PSMD1: variants seen among roughly 807,000 people sequenced by gnomAD.
PSMD1 encodes the protein 26S proteasome non-ATPase regulatory subunit 1.
In PSMD1, 18 loss-of-function variants were observed where a neutral mutation model predicts 119.0. The observed-to-expected ratio is 0.15, with a 90% confidence interval of 0.10 to 0.22. PSMD1 has a LOEUF of 0.22. Among genes scored for constraint, PSMD1 ranks in the 10% least tolerant of loss-of-function variants. The pLI is 1.00. For missense variants in PSMD1, 702 were observed against 1,158.5 expected (o/e 0.61, Z 5.72); for synonymous variants, 374 against 396.6 (o/e 0.94, Z 0.68).
intron 12 of PSMD1, among the ~76,000 whole-genome samples, chr2:231,081,144 TA>T (rs368987456): frequency 0.034 from 2,488 of 74,036 alleles, 37 homozygotes; most frequent in African/African-American, 0.093. Context: ...AAACTCTGTC[TA>T]AAAAAAAAAA....
rs553603692 is a variant in PSMD1, at chr2:231,065,607, T to C, written c.305-1299T>C. ...GGCCACCGCGCCCGGCCAGGGTGAC[T>C]GTTTTATCTTCCTTATGAAGGTGGA... On this transcript the variant is annotated intron_variant, in intron 4 of 24. Transcript: ENST00000308696. 6.6e-5 allele frequency among the ~76,000 whole-genome samples: 10 copies of C among 152,314 alleles called. No individual in the cohort carries two copies. The South Asian group carries it at 1.7e-3, about 25-fold the overall frequency.
intron 4 of PSMD1, among the ~76,000 whole-genome samples, chr2:231,066,697 A>G (rs1693916608): frequency 6.6e-6 from 1 of 152,168 alleles, no homozygotes; most frequent in African/African-American, 2.4e-5. Context: ...TGTTTTGAAT[A>G]ATGTCAACTG....
rs552649397 is a variant in PSMD1 at position 231,102,607 on chromosome 2, G to T, written c.1883+15426G>T. ...AAGAGAAAACACTCGTCTTCACTATGAAGTGCAAGCGGATCATCAGAAAGG... is the reference window on the plus strand; with the variant it reads ...AAGAGAAAACACTCGTCTTCACTATTAAGTGCAAGCGGATCATCAGAAAGG... On this transcript the variant is annotated intron_variant, in intron 16 of 24. Transcript: ENST00000308696. Among the ~76,000 whole-genome samples, 14 of 152,232 alleles carry T rather than the reference G, an allele frequency of 9.2e-5. No individual in the cohort carries two copies. In the South Asian group the frequency reaches 2.3e-3, roughly 25 times the overall value.
intron 16 of PSMD1, chr2:231,113,670 C>G (rs565664129): frequency 4.2e-4 from 626 of 1,480,286 alleles, no homozygotes; most frequent in Middle Eastern, 6.9e-4. Flanking sequence ...TGGTATTCTC[C>G]TAGCCAAGTG....
At chr2:231,151,860 T>A (rs924801742) in intron 18 of PSMD1, among the ~76,000 whole-genome samples, 2 of 142,470 alleles carry the variant, frequency 1.4e-5, no homozygotes, top group Non-Finnish European at 3.0e-5. Flanking sequence ...TCGCCCAGGC[T>A]GGAGTGCAGT....
rs144272881 is a variant in PSMD1, at chr2:231,101,569, T to C, written c.1883+14388T>C. On this transcript the variant is annotated intron_variant, in intron 16 of 24. Transcript: ENST00000308696. ...GATTGACTACACTTTTGAAAGAAAT[T>C]CTGTTGTGGGTAGAATAGCATCAAA... Among the ~76,000 whole-genome samples, 134 of 152,298 alleles carry C rather than the reference T, an allele frequency of 8.8e-4. 1 individual carries two copies. Among genetic ancestry groups the C allele is most frequent in the African/African-American group, 3.0e-3 (124 of 41,562 alleles).
At position 231,170,694 on chromosome 2, in the gene PSMD1, T is replaced by C. The variant is rs753660198; in HGVS notation, c.2844T>C (p.Phe948=). ...AAGAGCCAGAACCCCCAGAACCATT[T>C]GAGTATATTGATGATTAAGGGCCAG... The part of the protein sequence containing the change: ...EEQEPEPPEP[F]EYIDD The change falls in exon 24 of 25, where the codon TTT becomes TTC. Residue 948 remains phenylalanine (F), a synonymous_variant. Transcript: ENST00000308696. This position sits in a 1 kb window ranked among gnomAD's most constrained non-coding sequence, Gnocchi z 4.1. 6.2e-7 allele frequency: 1 copy of C among 1,611,816 alleles called. No homozygotes were observed. Among genetic ancestry groups the C allele is most frequent in the Non-Finnish European group, 8.5e-7 (1 of 1,179,294 alleles).
At chr2:231,090,793 G>A (rs936550035) in intron 16 of PSMD1, among the ~76,000 whole-genome samples, 3 of 152,134 alleles carry the variant, frequency 2.0e-5, no homozygotes, top group African/African-American at 7.2e-5. Context: ...GTGGAAGAAG[G>A]AATTGCAGAA....
chr2:231,088,939 G>A (rs1453926872), intron 16 of PSMD1, among the ~76,000 whole-genome samples: 2 of 152,212 alleles, frequency 1.3e-5, no homozygotes, highest in East Asian at 3.8e-4. Flanking sequence ...AAAATTAACA[G>A]TGCTACTCCA....
intron 4 of PSMD1, 127 bp from the exon 5 acceptor site, chr2:231,066,779 C>G: frequency 1.5e-6 from 1 of 683,166 alleles, no homozygotes; most frequent in Non-Finnish European, 2.4e-6. Context: ...TAAGTTCTAG[C>G]ATTTCAAAAT....
intron 16 of PSMD1, chr2:231,113,654 C>T: frequency 7.6e-7 from 1 of 1,313,844 alleles, no homozygotes; most frequent in South Asian, 1.2e-5. Flanking sequence ...CATTGCCTAC[C>T]AGACCTGGTA....
At chr2:231,096,969 A>G (rs1694743916) in intron 16 of PSMD1, among the ~76,000 whole-genome samples, 1 of 152,232 alleles carries the variant, frequency 6.6e-6, no homozygotes, top group South Asian at 2.1e-4. Context: ...TGAGGAAGTT[A>G]AGTTTAAAAG....
chr2:231,066,222 T>C (rs564483624), intron 4 of PSMD1, among the ~76,000 whole-genome samples: 1 of 152,374 alleles, frequency 6.6e-6, no homozygotes, highest in African/African-American at 2.4e-5. Context: ...CTGCTACAGT[T>C]GCTGGAAAAG....
chr2:231,062,611 T>C lies in PSMD1; in HGVS notation c.240T>C (p.Tyr80=), dbSNP rs762600222. Residue 80 remains tyrosine (Y), a synonymous_variant, in exon 4 of 25, where the codon TAT becomes TAC. Transcript: ENST00000308696. ...GGGCTTTTGAGGAGTCTCTGAATTATGCTCTTGGAGCAGGGGACCTCTTCA... is the reference window on the plus strand; with the variant it reads ...GGGCTTTTGAGGAGTCTCTGAATTACGCTCTTGGAGCAGGGGACCTCTTCA... ...HLGAFEESLN[Y]ALGAGDLFNV... is the part of the protein sequence containing the mutation. 1.2e-6 allele frequency: 2 copies of C among 1,613,790 alleles called. No individual in the cohort carries two copies. The highest frequency in any genetic ancestry group is 1.7e-6 in the Non-Finnish European group (2 of 1,179,884).
At chr2:231,118,347 C>T (rs576627363) in intron 16 of PSMD1, among the ~76,000 whole-genome samples, 1 of 152,268 alleles carries the variant, frequency 6.6e-6, no homozygotes, top group East Asian at 1.9e-4. Context: ...GTTTGTCTTT[C>T]TACCTGCTGT....
intron 16 of PSMD1, among the ~76,000 whole-genome samples, chr2:231,133,826 G>A (rs1440987141): frequency 6.6e-6 from 1 of 152,194 alleles, no homozygotes; most frequent in Non-Finnish European, 1.5e-5. Context: ...TAAAGAAATA[G>A]TATTTAAAAG....
chr2:231,076,653 C>CA (rs949315391), intron 8 of PSMD1, among the ~76,000 whole-genome samples: 60 of 139,604 alleles, frequency 4.3e-4, no homozygotes, highest in East Asian at 6.2e-4. Context: ...AACTCTGCCT[C>CA]AAAAAAAAAA....
chr2:231,161,078 G>A (rs1696628187), intron 19 of PSMD1, among the ~76,000 whole-genome samples: 1 of 151,774 alleles, frequency 6.6e-6, no homozygotes, highest in South Asian at 2.1e-4. Flanking sequence ...CAGGTGTGGC[G>A]GCCCGCACAT....
At chr2:231,086,168 C>T (rs1417028342) in intron 15 of PSMD1, among the ~76,000 whole-genome samples, 1 of 152,048 alleles carries the variant, frequency 6.6e-6, no homozygotes, top group Non-Finnish European at 1.5e-5. Context: ...CTCAGCTTCC[C>T]ATGTAGCTAG....
Sources: allele counts gnomAD v4.1 joint callset (sites outside exome capture counted in the v4.1 genomes callset), GRCh38; gene constraint gnomAD v4.1.1; non-coding constraint Gnocchi (gnomAD v3.1); transcripts MANE v1.5; gene names NCBI Gene and HGNC (gene_info 2026-07-23, HGNC 2026-07-21).